The following BEST3 variants were observed in gnomAD, a reference collection of about 807,000 sequenced individuals.
BEST3 encodes bestrophin 3.
Under a neutral mutation model 47.1 loss-of-function variants are expected in BEST3, and 50 were observed. That is an observed-to-expected ratio of 1.06 (90% CI 0.85 to 1.34). The LOEUF (loss-of-function observed/expected upper bound fraction) is 1.34, where lower values mean the gene tolerates loss of function less well. Among genes scored for constraint, BEST3 ranks in the 40% most tolerant of loss-of-function variants. BEST3 has a pLI of 0.00. For synonymous variants in BEST3, 282 were observed against 298.8 expected, an observed-to-expected ratio of 0.94 and a Z score of 0.58; for missense variants, 765 against 817.0, an observed-to-expected ratio of 0.94 and a Z score of 0.78.
intron 9 of BEST3, among the ~76,000 whole-genome samples, chr12:69,656,341 A>G (rs1048637241): frequency 6.9e-6 from 1 of 144,918 alleles, no homozygotes; most frequent in Non-Finnish European, 1.5e-5. Context: ...ACATTAAGAA[A>G]TATCTATATA....
intron 4 of BEST3, among the ~76,000 whole-genome samples, chr12:69,684,981 G>GTTCTATTCTATTCTATTCTA (rs59611126): frequency 0.011 from 1,562 of 142,198 alleles, 20 homozygotes; most frequent in Middle Eastern, 0.018. Context: ...GCTTTCTGCT[G>GTTCTATTCTATTCTATTCTA]TTCTATTCTA....
intron 9 of BEST3, among the ~76,000 whole-genome samples, chr12:69,647,677 G>A (rs79824170): frequency 1.5e-4 from 23 of 152,206 alleles, no homozygotes; most frequent in African/African-American, 4.3e-4. Context: ...AAATGTAGGC[G>A]AATATCATGG....
intron 7 of BEST3, among the ~76,000 whole-genome samples, chr12:69,675,527 A>G (rs189814377): frequency 1.2e-3 from 187 of 152,372 alleles, no homozygotes; most frequent in African/African-American, 4.4e-3. Context: ...TGGAGACAAA[A>G]CAAAGAATAA....
At chr12:69,684,099 T>A (rs550098875) in intron 4 of BEST3, 1 of 155,086 alleles carries the variant, frequency 6.4e-6, no homozygotes, top group Admixed American at 6.5e-5. Context: ...CTTGGTTCCC[T>A]GCACGTGTCT....
Position 69,676,911 on chromosome 12 carries a change from G to T in BEST3, c.867+5C>A, listed in dbSNP as rs201638085. Reference sequence around the variant, plus strand: ...ACAAAGTGGGGCCCTGAGACCACTGGCTACCTTAAGCCATCCTGCATAGAA... The same window carrying T: ...ACAAAGTGGGGCCCTGAGACCACTGTCTACCTTAAGCCATCCTGCATAGAA... On this transcript the variant is annotated splice_donor_5th_base_variant and intron_variant, in intron 7 of 9. Coordinates refer to ENST00000330891, the MANE Select transcript of BEST3 (RefSeq NM_032735.3). 215 of 1,612,928 alleles carry T rather than the reference G, an allele frequency of 1.3e-4. 1 individual carries two copies. The highest frequency in any genetic ancestry group is 1.7e-4 in the Non-Finnish European group (199 of 1,179,592).
chr12:69,673,150 T>C, intron 7 of BEST3, among the ~76,000 whole-genome samples, 185 bp from the exon 8 acceptor site: 1 of 152,242 alleles, frequency 6.6e-6, no homozygotes, highest in Non-Finnish European at 1.5e-5. Context: ...AAACCATGAA[T>C]GATGCACCTT....
intron 9 of BEST3, among the ~76,000 whole-genome samples, chr12:69,645,938 G>GATTT (rs1883018243): frequency 6.6e-6 from 1 of 151,906 alleles, no homozygotes; most frequent in African/African-American, 2.4e-5. Context: ...ATTTGAGAAG[G>GATTT]ATTTATTTAT....
At position 69,654,527 on chromosome 12, in the gene BEST3, C is replaced by G. The variant is rs759035984; in HGVS notation, c.*380G>C. ...AGAAAAAAGAAGAGAAATAGAGAAC[C>G]CTGCGTGTCTGGGCCTTTGGGTCTA... On this transcript the variant is annotated 3_prime_UTR_variant, in exon 10 of 10. Coordinates refer to ENST00000330891, the MANE Select transcript of BEST3 (RefSeq NM_032735.3). 5.0e-6 allele frequency: 5 copies of G among 996,792 alleles called. No homozygotes were observed. The highest frequency in any genetic ancestry group is 4.6e-5 in the South Asian group (1 of 21,590). The allele number at this position is 996,792 out of a possible 1,614,324, so 61.7% of individuals were successfully genotyped here.
rs189265169 is a variant in BEST3, at chr12:69,643,679, A to G, written c.*12T>C. ...GAGCCAAGTTGTTTTGAAAGATTCGAGTGTTGTACCTTTAACCACCAGGAT... is the reference window on the plus strand; with the variant it reads ...GAGCCAAGTTGTTTTGAAAGATTCGGGTGTTGTACCTTTAACCACCAGGAT... On this transcript the variant is annotated 3_prime_UTR_variant, in exon 10 of 10. Coordinates refer to the BEST3 transcript ENST00000331471. The G allele has an allele frequency of 1.4e-3, 903 of 660,474 alleles. 3 individuals carry two copies. The highest frequency in any genetic ancestry group is 2.2e-3 in the Admixed American group (95 of 43,312). The allele number at this position is 660,474 out of a possible 1,614,324, so 40.9% of individuals were successfully genotyped here. A position where few individuals can be genotyped will look rare whatever the true frequency, so the allele number is the denominator to read the frequency against.
downstream of BEST3, among the ~76,000 whole-genome samples, chr12:69,650,815 A>G (rs138057532): frequency 6.6e-6 from 1 of 152,202 alleles, no homozygotes; most frequent in Non-Finnish European, 1.5e-5. Flanking sequence ...TATGGTGGAC[A>G]GTGAAGAACT....
intron 9 of BEST3, among the ~76,000 whole-genome samples, chr12:69,669,323 T>C (rs1206374784): frequency 1.3e-5 from 2 of 152,182 alleles, no homozygotes; most frequent in South Asian, 2.1e-4. Flanking sequence ...TTTTGCCTAA[T>C]TGTTTCTTTG....
At chr12:69,692,173 C>A (rs997698502) in intron 4 of BEST3, among the ~76,000 whole-genome samples, 2 of 151,960 alleles carry the variant, frequency 1.3e-5, no homozygotes, top group African/African-American at 4.8e-5. Flanking sequence ...TTTAAGAAGG[C>A]AAAACAAAAA....
intron 4 of BEST3, among the ~76,000 whole-genome samples, chr12:69,680,719 T>G (rs1179857617): frequency 6.6e-6 from 1 of 152,152 alleles, no homozygotes; most frequent in African/African-American, 2.4e-5. Flanking sequence ...AAAATTTCCC[T>G]CCCTGGAGGA....
At chr12:69,694,188 G>C (rs1886044166) in intron 3 of BEST3, 182 bp downstream of exon 3, 2 of 575,210 alleles carry the variant, frequency 3.5e-6, no homozygotes, top group Admixed American at 6.6e-5. Context: ...CCTCAAACTT[G>C]TTTGGTGTTA....
intron 1 of BEST3, 38 bp from the exon 2 acceptor site, chr12:69,697,851 A>G: frequency 6.6e-7 from 1 of 1,526,622 alleles, no homozygotes. Context: ...GTAAAAAGCA[A>G]TGTTTAAAAT....
chr12:69,678,745 C>A lies in BEST3; in HGVS notation c.630G>T (p.Leu210Phe). The A allele has an allele frequency of 6.2e-7, 1 of 1,613,832 alleles. No homozygotes were observed. Among genetic ancestry groups the A allele is most frequent in the Non-Finnish European group, 8.5e-7 (1 of 1,179,876 alleles). Reference sequence around the variant, plus strand: ...TGATTTATGATATACTTACAGTCATCAATGATTGCAGATCAACACTGTCTC... The same window carrying A: ...TGATTTATGATATACTTACAGTCATAAATGATTGCAGATCAACACTGTCTC... ...RIRDSVDLQS[L>F]MTEMNRYRSW... The change falls in exon 5 of 10, where the codon TTG becomes TTT. Residue 210 changes from leucine to phenylalanine, a missense_variant. Coordinates refer to ENST00000330891, the MANE Select transcript of BEST3 (RefSeq NM_032735.3).
chr12:69,686,780 A>AAAAAAAAAAAAAAAC (rs1309413733), intron 4 of BEST3, among the ~76,000 whole-genome samples: 7 of 52,734 alleles, frequency 1.3e-4, no homozygotes, highest in East Asian at 2.3e-3. Flanking sequence ...TCAAAAAAAC[A>AAAAAAAAAAAAAAAC]AAAAAAAAAG....
intron 9 of BEST3, among the ~76,000 whole-genome samples, chr12:69,658,231 A>C (rs1310338327): frequency 6.6e-6 from 1 of 152,224 alleles, no homozygotes; most frequent in African/African-American, 2.4e-5. Flanking sequence ...TCTTGTAAGA[A>C]AGACAGTCTT....
intron 7 of BEST3, among the ~76,000 whole-genome samples, chr12:69,676,043 A>T (rs1884895171): frequency 6.6e-6 from 1 of 152,172 alleles, no homozygotes; most frequent in Non-Finnish European, 1.5e-5. Flanking sequence ...TACAGAGGTG[A>T]TGGAAGAATC....
Sources: gnomAD v4.1 joint callset for allele counts (sites outside exome capture counted in the v4.1 genomes callset) on GRCh38, gnomAD v4.1.1 for gene constraint, MANE v1.5 for transcripts, NCBI Gene and HGNC (gene_info 2026-07-23, HGNC 2026-07-21) for gene names.